ZDHHC21: variants seen among roughly 807,000 people sequenced by gnomAD.
ZDHHC21 encodes the protein zDHHC palmitoyltransferase 21, also known as palmitoyltransferase ZDHHC21.
A neutral mutation model predicts 34.6 loss-of-function variants in ZDHHC21; 15 were observed. The observed-to-expected ratio is 0.43, with a 90% confidence interval of 0.29 to 0.67. The LOEUF (loss-of-function observed/expected upper bound fraction) is 0.67, where lower values mean the gene tolerates loss of function less well. Ranked by LOEUF, ZDHHC21 falls within the 30% of genes least tolerant of loss-of-function variation. ZDHHC21 has a pLI of 0.14. For synonymous variants in ZDHHC21, 142 were observed against 101.8 expected (o/e 1.40, Z -2.38); for missense variants, 344 against 327.7 (o/e 1.05, Z -0.38).
chr9:14,602,816 G>C, the ZDHHC21 span, among the ~76,000 whole-genome samples: 24 of 151,778 alleles, frequency 1.6e-4, no homozygotes, highest in Admixed American at 1.4e-3. Context: ...CCAGCCACTC[G>C]GGAGGCTGAG....
At chr9:14,653,030 G>A (rs1478671749) in intron 7 of ZDHHC21, among the ~76,000 whole-genome samples, 1 of 151,862 alleles carries the variant, frequency 6.6e-6, no homozygotes, top group African/African-American at 2.4e-5. Context: ...CAGGGTCAAA[G>A]TCCACCACAT....
chr9:14,665,643 G>A (rs10961644), intron 5 of ZDHHC21, among the ~76,000 whole-genome samples: 22,360 of 136,862 alleles, frequency 0.16, 1,861 homozygotes, highest in South Asian at 0.31. Context: ...GACTAACAGC[G>A]GATCTCTCGG....
In ZDHHC21 at chr9:14,618,893, A is replaced by ATAG; in HGVS notation, c.*70_*72dup. 1.4e-6 allele frequency: 2 copies of ATAG among 1,449,800 alleles called. No individual in the cohort carries two copies. Among genetic ancestry groups the ATAG allele is most frequent in the Non-Finnish European group, 1.8e-6 (2 of 1,090,606 alleles). 89.8% of individuals were successfully genotyped at this position (1,449,800 alleles called of 1,614,324 possible). ...GATTTTAATTGACTTGAAGACTGTC[A>ATAG]TAGTTCTATTATCATAAAACCTGTA... On this transcript the variant is annotated 3_prime_UTR_variant, in exon 10 of 10. Transcript: ENST00000380916.
At chr9:14,680,654 A>T (rs1837209944) in intron 2 of ZDHHC21, among the ~76,000 whole-genome samples, 1 of 152,036 alleles carries the variant, frequency 6.6e-6, no homozygotes, top group Non-Finnish European at 1.5e-5. Flanking sequence ...CATACTGTAA[A>T]GTACTGTATA....
At chr9:14,631,763 G>A (rs1273069985) in intron 8 of ZDHHC21, among the ~76,000 whole-genome samples, 1 of 152,178 alleles carries the variant, frequency 6.6e-6, no homozygotes, top group East Asian at 1.9e-4. Context: ...AAAGAAGAGA[G>A]ATAGAGGAAT....
intron 2 of ZDHHC21, among the ~76,000 whole-genome samples, chr9:14,682,886 C>G (rs1837622142): frequency 6.6e-6 from 1 of 152,198 alleles, no homozygotes; most frequent in Non-Finnish European, 1.5e-5. Context: ...AAGAAACTCA[C>G]TCAAAACCGA....
intron 1 of ZDHHC21, 34 bp downstream of exon 1, chr9:14,693,195 G>A (rs1213790168): frequency 5.9e-6 from 2 of 339,190 alleles, no homozygotes; most frequent in Non-Finnish European, 1.1e-5. Context: ...TGGGGGTGGG[G>A]GCGGCCGCTT....
At chr9:14,591,460 C>A in the ZDHHC21 span, among the ~76,000 whole-genome samples, 1 of 152,098 alleles carries the variant, frequency 6.6e-6, no homozygotes, top group African/African-American at 2.4e-5. Flanking sequence ...GACTTTCCAG[C>A]CTTCAGAACT....
intron 5 of ZDHHC21, 78 bp downstream of exon 5, chr9:14,672,752 A>G (rs1163099322): frequency 2.5e-5 from 24 of 954,632 alleles, no homozygotes; most frequent in Non-Finnish European, 3.8e-5. Context: ...TAACCAATAT[A>G]TATTAAAGGC....
At position 14,680,872 on chromosome 9, in the gene ZDHHC21, T is replaced by A. The variant is rs139016783; in HGVS notation, c.-175-710A>T. Among the ~76,000 whole-genome samples the A allele has an allele frequency of 8.5e-5, 13 of 152,274 alleles. No homozygotes were observed. The East Asian group carries it at 2.5e-3, about 29-fold the overall frequency. On this transcript the variant is annotated intron_variant, in intron 2 of 9. Transcript: ENST00000380916. ...TTATCTCATATGGTAAGGATACTGGTTCATAGGTTGTGTTACAAAATGTAT... is the reference window on the plus strand; with the variant it reads ...TTATCTCATATGGTAAGGATACTGGATCATAGGTTGTGTTACAAAATGTAT...
At chr9:14,599,304 A>C in the ZDHHC21 span, among the ~76,000 whole-genome samples, 1 of 152,200 alleles carries the variant, frequency 6.6e-6, no homozygotes, top group African/African-American at 2.4e-5. Context: ...GGATGAGCCA[A>C]AGCAGGGTGG....
At chr9:14,622,601 T>A in intron 8 of ZDHHC21, 1 of 984,902 alleles carries the variant, frequency 1.0e-6, no homozygotes, top group Non-Finnish European at 1.2e-6. Context: ...AACTAACTCA[T>A]CCTGTTTTGA....
intron 7 of ZDHHC21, among the ~76,000 whole-genome samples, chr9:14,658,120 T>G (rs1232737054): frequency 6.6e-6 from 1 of 152,202 alleles, no homozygotes; most frequent in African/African-American, 2.4e-5. Flanking sequence ...AAAAATTACA[T>G]TCTGCATTTT....
rs369805618 is a variant in ZDHHC21 at position 14,658,850 on chromosome 9, A to G, written c.403T>C (p.Phe135Leu). The G allele has an allele frequency of 1.2e-6, 2 of 1,613,370 alleles. No homozygotes were observed. Among genetic ancestry groups the G allele is most frequent in the African/African-American group, 2.7e-5 (2 of 74,894 alleles). Reference sequence around the variant, plus strand: ...TCAGTGTAGAAACACAACTGCAGAAAGAGCCAATGATTATCTTCACCAACA... The same window carrying G: ...TCAGTGTAGAAACACAACTGCAGAAGGAGCCAATGATTATCTTCACCAACA... ...NCVGEDNHWL[F>L]LQLCFYTELL... Residue 135 changes from phenylalanine (F) to leucine (L), a missense_variant, in exon 7 of 10, where the codon TTT becomes CTT. Transcript: ENST00000380916.
rs1029448451 is a variant in ZDHHC21, at chr9:14,618,743, A to C, written c.*223T>G. The C allele has an allele frequency of 5.1e-6, 2 of 390,168 alleles. No individual in the cohort carries two copies. Among genetic ancestry groups the C allele is most frequent in the Admixed American group, 9.2e-5 (2 of 21,814 alleles). 24.2% of individuals were successfully genotyped at this position (390,168 alleles called of 1,614,324 possible). A position where few individuals can be genotyped will look rare whatever the true frequency, so the allele number is the denominator to read the frequency against. ...AGCATTTCAAGAAATCCCTGTGGAA[A>C]GCTAATTTGAAAGTAAACATGCTTT... On this transcript the variant is annotated 3_prime_UTR_variant, in exon 10 of 10. Coordinates refer to ENST00000380916, the MANE Select transcript of ZDHHC21 (RefSeq NM_178566.6).
rs187423680 is a variant in ZDHHC21, at chr9:14,622,487, G to C, written c.622-2805C>G. ...ATGTTAGGAAAATGAGAGGTTGCAG[G>C]GGGGTGGGATAAAGAGCAAGAATTT... On this transcript the variant is annotated intron_variant, in intron 8 of 9. Coordinates refer to ENST00000380916, the MANE Select transcript of ZDHHC21 (RefSeq NM_178566.6). 4.7e-5 allele frequency: 46 copies of C among 980,910 alleles called. No homozygotes were observed. In the Admixed American group the frequency reaches 6.9e-4, roughly 15 times the overall value. The allele number at this position is 980,910 out of a possible 1,614,324, so 60.8% of individuals were successfully genotyped here.
intron 3 of ZDHHC21, among the ~76,000 whole-genome samples, chr9:14,676,572 T>G (rs193192352): frequency 2.2e-4 from 34 of 152,036 alleles, no homozygotes; most frequent in Non-Finnish European, 3.7e-4. Context: ...ATCCGGTATG[T>G]TCTAACTTGT....
the ZDHHC21 span, among the ~76,000 whole-genome samples, chr9:14,602,372 G>C: frequency 4.6e-5 from 7 of 152,040 alleles, no homozygotes; most frequent in South Asian, 8.3e-4. Flanking sequence ...CGCATCTTGG[G>C]AGTTCCATGA....
chr9:14,607,082 C>CAAAAAA (rs3081725), downstream of ZDHHC21, among the ~76,000 whole-genome samples: 18 of 131,702 alleles, frequency 1.4e-4, no homozygotes, highest in African/African-American at 4.2e-4. Context: ...TTACTAATAG[C>CAAAAAA]AAAAAAAAAA....
Sources: allele counts gnomAD v4.1 joint callset (sites outside exome capture counted in the v4.1 genomes callset), GRCh38; gene constraint gnomAD v4.1.1; transcripts MANE v1.5; gene names NCBI Gene and HGNC (gene_info 2026-07-23, HGNC 2026-07-21).